Variants in RTN1 observed in about 807,000 individuals in gnomAD.
RTN1 encodes reticulon 1.
Under a neutral mutation model 65.5 loss-of-function variants are expected in RTN1, and 25 were observed. That is an observed-to-expected ratio of 0.38 (90% CI 0.28 to 0.53). The LOEUF is 0.53. RTN1 is among the 20% of genes least tolerant of loss of function. RTN1 has a pLI of 0.79. For missense variants in RTN1, 983 were observed against 1,025.4 expected, an observed-to-expected ratio of 0.96 and a Z score of 0.57; for synonymous variants, 471 against 447.6, an observed-to-expected ratio of 1.05 and a Z score of -0.66.
At chr14:59,648,436 T>C (rs886272855) in intron 3 of RTN1, among the ~76,000 whole-genome samples, 1 of 152,206 alleles carries the variant, frequency 6.6e-6, no homozygotes, top group African/African-American at 2.4e-5. Flanking sequence ...CCCCAACTAA[T>C]TCTGTGAGGC....
At chr14:59,863,867 T>C (rs1490934232) in intron 1 of RTN1, among the ~76,000 whole-genome samples, 1 of 152,238 alleles carries the variant, frequency 6.6e-6, no homozygotes, top group Non-Finnish European at 1.5e-5. Context: ...GCATGTCCCT[T>C]GTGTTCTTTC....
chr14:59,636,855 T>A (rs1882676738), intron 3 of RTN1, among the ~76,000 whole-genome samples: 1 of 152,238 alleles, frequency 6.6e-6, no homozygotes, highest in African/African-American at 2.4e-5. Flanking sequence ...TAAAAATATT[T>A]TATTGATAAA....
At chr14:59,754,507 A>C (rs1885596992) in intron 1 of RTN1, among the ~76,000 whole-genome samples, 1 of 152,136 alleles carries the variant, frequency 6.6e-6, no homozygotes, top group African/African-American at 2.4e-5. Context: ...CTCTACCACT[A>C]ACTGGCAGTT....
At chr14:59,852,944 T>C (rs1228994017) in intron 1 of RTN1, among the ~76,000 whole-genome samples, 1 of 152,238 alleles carries the variant, frequency 6.6e-6, no homozygotes, top group African/African-American at 2.4e-5. Context: ...TCATACTTTG[T>C]GTCTGTGTAC....
chr14:59,770,327 G>A (rs747422186), intron 1 of RTN1, among the ~76,000 whole-genome samples: 49 of 134,714 alleles, frequency 3.6e-4, no homozygotes, highest in Admixed American at 1.3e-3. Flanking sequence ...GCAGTGAGCC[G>A]AGATTGCACC....
At chr14:59,738,250 T>C (rs1159929932) in intron 2 of RTN1, among the ~76,000 whole-genome samples, 2 of 152,132 alleles carry the variant, frequency 1.3e-5, no homozygotes, top group Non-Finnish European at 2.9e-5. Context: ...TTGCAATCTA[T>C]GCATCTGACA....
In RTN1 at chr14:59,748,729, C is replaced by A. The variant is rs147711310; in HGVS notation, c.242-2248G>T. Among the ~76,000 whole-genome samples the A allele has an allele frequency of 6.9e-3, 1,049 of 152,102 alleles. 4 individuals carry two copies. Among genetic ancestry groups the A allele is most frequent in the Non-Finnish European group, 0.011 (717 of 68,006 alleles). ...CTATTTTGCTCACCAATATAGGCAC[C>A]TAAAACAGGGCCTGATGAATAGTAG... On this transcript the variant is annotated intron_variant, in intron 1 of 8. Coordinates refer to ENST00000267484, the MANE Select transcript of RTN1 (RefSeq NM_021136.3).
rs528533038 is a variant in RTN1 at position 59,768,560 on chromosome 14, C to T, written c.242-22079G>A. On this transcript the variant is annotated intron_variant, in intron 1 of 8. Transcript: ENST00000267484. The stretch of plus-strand genomic sequence containing the variant: ...CCTGGATTGTGTGTAGAAGGCTAAA[C>T]GTCCTCTGCACCTTCACTCCCCACT... Among the ~76,000 whole-genome samples, 10 of 152,232 alleles carry T rather than the reference C, an allele frequency of 6.6e-5. No individual in the cohort carries two copies. In the East Asian group the frequency reaches 1.2e-3, roughly 18 times the overall value.
chr14:59,712,910 C>G (rs548799602), intron 3 of RTN1, among the ~76,000 whole-genome samples: 1 of 103,554 alleles, frequency 9.7e-6, no homozygotes, highest in African/African-American at 5.3e-5. Context: ...GAAACTCCAT[C>G]TCAAAAAAAA....
At position 59,677,235 on chromosome 14, in the gene RTN1, C is replaced by T. The variant is rs113447812; in HGVS notation, c.1765+49684G>A. ...GTTGATGCAATACATTCACAGTGGT[C>T]ACATCTCTGAATTTAAAAAGCAACG... On this transcript the variant is annotated intron_variant, in intron 3 of 8. Transcript: ENST00000267484. 6.8e-3 allele frequency among the ~76,000 whole-genome samples: 1,035 copies of T among 152,324 alleles called. 9 individuals carry two copies. Among genetic ancestry groups the T allele is most frequent in the African/African-American group, 0.022 (905 of 41,564 alleles).
At chr14:59,602,970 A>G in intron 8 of RTN1, 95 bp downstream of exon 8, 1 of 855,910 alleles carries the variant, frequency 1.2e-6, no homozygotes. Flanking sequence ...AAATCAATCT[A>G]TCATTTTACT....
intron 8 of RTN1, 145 bp from the exon 9 acceptor site, chr14:59,596,932 A>G: frequency 3.5e-6 from 2 of 569,304 alleles, no homozygotes. Context: ...ATCTGCAAAT[A>G]CTCTTCTATA....
chr14:59,600,309 T>C (rs1881540725), intron 8 of RTN1, among the ~76,000 whole-genome samples: 1 of 152,198 alleles, frequency 6.6e-6, no homozygotes. Context: ...GAGGGTTTCC[T>C]ACATCCAAGT....
chr14:59,741,102 A>T (rs1483602821), intron 2 of RTN1, among the ~76,000 whole-genome samples: 1 of 152,198 alleles, frequency 6.6e-6, no homozygotes, highest in Non-Finnish European at 1.5e-5. Context: ...CTCATTCTCC[A>T]TGCAGCATCC....
chr14:59,853,042 G>A (rs1430319758), intron 1 of RTN1, among the ~76,000 whole-genome samples: 1 of 152,140 alleles, frequency 6.6e-6, no homozygotes. Context: ...TTGCCCCTGT[G>A]TAAACAGTGA....
chr14:59,596,778 A>G lies in RTN1; in HGVS notation c.2298T>C (p.Ala766=). ...CATGCCTCTTAGCGCCTGGGATTTT[A>G]GCCTGAATCCTAAAAAGACAGTATC... ...HINAVVAKIQ[A]KIPGAKRHAE is the part of the protein sequence containing the mutation. Residue 766 remains alanine (A), a synonymous_variant, in exon 9 of 9, where the codon GCT becomes GCC. Transcript: ENST00000267484. 6.2e-7 allele frequency: 1 copy of G among 1,611,344 alleles called. No individual in the cohort carries two copies. Among genetic ancestry groups the G allele is most frequent in the Non-Finnish European group, 8.5e-7 (1 of 1,177,542 alleles).
intron 3 of RTN1, among the ~76,000 whole-genome samples, chr14:59,614,765 C>A (rs1231288365): frequency 4.6e-5 from 7 of 152,198 alleles, no homozygotes; most frequent in Admixed American, 6.5e-5. Flanking sequence ...TGAGTCAGAT[C>A]TTCATTTCTG....
chr14:59,850,639 G>T (rs1269061553), intron 1 of RTN1, among the ~76,000 whole-genome samples: 3 of 152,172 alleles, frequency 2.0e-5, no homozygotes, highest in African/African-American at 7.2e-5. Flanking sequence ...GTAAAAATGG[G>T]GGTCACTCAA....
At chr14:59,763,629 T>G (rs1292652283) in intron 1 of RTN1, among the ~76,000 whole-genome samples, 1 of 150,300 alleles carries the variant, frequency 6.7e-6, no homozygotes, top group Non-Finnish European at 1.5e-5. Context: ...GCCTCCCAGG[T>G]TCATGCCATT....
Sources: gnomAD v4.1 joint callset for allele counts (sites outside exome capture counted in the v4.1 genomes callset) on GRCh38, gnomAD v4.1.1 for gene constraint, MANE v1.5 for transcripts, NCBI Gene and HGNC (gene_info 2026-07-23, HGNC 2026-07-21) for gene names.